Variants in SLAIN2 observed in about 807,000 individuals in gnomAD.
SLAIN2 encodes SLAIN family member 2, also known as SLAIN motif-containing protein 2.
A neutral mutation model predicts 56.6 loss-of-function variants in SLAIN2; 31 were observed. That is an observed-to-expected ratio of 0.55 (90% CI 0.41 to 0.74). The LOEUF (loss-of-function observed/expected upper bound fraction) is 0.74. Among genes scored for constraint, SLAIN2 ranks in the 30% least tolerant of loss-of-function variants. The probability of loss-of-function intolerance (pLI) is 0.00; values close to 1 mark genes in which losing one functional copy is unlikely to be tolerated. For synonymous variants in SLAIN2, 317 were observed against 284.9 expected (o/e 1.11, Z -1.13); for missense variants, 777 against 754.2 (o/e 1.03, Z -0.35).
chr4:48,370,986 C>T lies in SLAIN2; in HGVS notation c.538+989C>T, dbSNP rs144249728. On this transcript the variant is annotated intron_variant, in intron 2 of 7. Transcript: ENST00000264313. ...TGGTGATAAGGGGTAGTGGTTGTTA[C>T]ATGCAAATAACTTACGGGATGTTAT... Among the ~76,000 whole-genome samples the T allele has an allele frequency of 3.4e-4, 52 of 152,222 alleles. No homozygotes were observed. In the East Asian group the frequency reaches 6.6e-3, roughly 19 times the overall value.
Position 48,406,626 on chromosome 4 carries a change from C to T in SLAIN2, c.1361-13499C>T, listed in dbSNP as rs1365062319. Among the ~76,000 whole-genome samples the T allele has an allele frequency of 4.7e-5, 7 of 150,004 alleles. 1 individual carries two copies. Among genetic ancestry groups the T allele is most frequent in the Admixed American group, 3.3e-4 (5 of 14,986 alleles). ...CATACCTCATTTAGTTTAGGCTCTC[C>T]GTTTAAATACATGTTTGATGCCTAA... On this transcript the variant is annotated intron_variant, in intron 6 of 7. Transcript: ENST00000264313.
intron 6 of SLAIN2, among the ~76,000 whole-genome samples, chr4:48,396,076 G>C (rs1376933597): frequency 1.3e-5 from 2 of 152,026 alleles, no homozygotes; most frequent in Non-Finnish European, 2.9e-5. Context: ...TTGCTGTGTT[G>C]ATCAGGTTAA....
Position 48,379,742 on chromosome 4 carries a change from A to G in SLAIN2, c.756A>G (p.Ile252Met), listed in dbSNP as rs201587872. 3.6e-4 allele frequency: 577 copies of G among 1,591,770 alleles called. No homozygotes were observed. Among genetic ancestry groups the G allele is most frequent in the Non-Finnish European group, 4.6e-4 (533 of 1,170,924 alleles). Residue 252 changes from isoleucine (I) to methionine (M), a missense_variant, in exon 4 of 8, where the codon ATA becomes ATG. Ile to Met is a conservative substitution (Grantham distance 10, BLOSUM62 1). Coordinates refer to ENST00000264313, the MANE Select transcript of SLAIN2 (RefSeq NM_020846.2). ...RNPPLSPQSS[I>M]DSELSASELD... ...CTCCACTCAGTCCTCAGTCCTCTAT[A>G]GATAGTGAGTTAAGTGCTTCAGAAT...
In SLAIN2 at chr4:48,342,012, G is replaced by T; in HGVS notation, c.273G>T (p.Leu91=). Residue 91 remains leucine (L), a synonymous_variant, in exon 1 of 8, where the codon CTG becomes CTT. Transcript: ENST00000264313. ...SGPRRTSSEE[L]RDATSLLAAG... is the part of the protein sequence containing the mutation. ...CGAGGCGGACGAGTAGCGAAGAGCT[G>T]CGGGACGCCACCTCCTTGCTAGCGG... is the stretch of plus-strand genomic sequence containing the variant. 7.0e-7 allele frequency: 1 copy of T among 1,418,884 alleles called. No individual in the cohort carries two copies. The highest frequency in any genetic ancestry group is 9.2e-7 in the Non-Finnish European group (1 of 1,091,382). 87.9% of individuals were successfully genotyped at this position (1,418,884 alleles called of 1,614,324 possible).
At chr4:48,396,162 A>G (rs1470513176) in intron 6 of SLAIN2, among the ~76,000 whole-genome samples, 1 of 152,144 alleles carries the variant, frequency 6.6e-6, no homozygotes, top group African/African-American at 2.4e-5. Context: ...CCAAGCTACC[A>G]AACTACCTAT....
chr4:48,400,082 A>T (rs1419747884), intron 6 of SLAIN2, among the ~76,000 whole-genome samples: 1 of 152,188 alleles, frequency 6.6e-6, no homozygotes, highest in Non-Finnish European at 1.5e-5. Flanking sequence ...AAATTGTACC[A>T]GCCATTCTTT....
intron 1 of SLAIN2, among the ~76,000 whole-genome samples, chr4:48,367,564 A>C (rs1370356822): frequency 6.6e-6 from 1 of 152,142 alleles, no homozygotes; most frequent in Non-Finnish European, 1.5e-5. Context: ...CTAAATTACA[A>C]ATTTTTAGTC....
At chr4:48,343,711 A>T (rs1297082441) in intron 1 of SLAIN2, among the ~76,000 whole-genome samples, 3 of 152,226 alleles carry the variant, frequency 2.0e-5, no homozygotes, top group Non-Finnish European at 4.4e-5. Context: ...TGACAGCTAC[A>T]AGAGCAGAGT....
chr4:48,401,821 T>C (rs1716564029), intron 6 of SLAIN2, among the ~76,000 whole-genome samples: 1 of 152,192 alleles, frequency 6.6e-6, no homozygotes, highest in Non-Finnish European at 1.5e-5. Context: ...TGATGTTAGC[T>C]CGTTATTTTG....
At chr4:48,369,289 C>T (rs1327091140) in intron 1 of SLAIN2, among the ~76,000 whole-genome samples, 1 of 152,168 alleles carries the variant, frequency 6.6e-6, no homozygotes, top group African/African-American at 2.4e-5. Flanking sequence ...AAAATACTGT[C>T]TCTTGGTCCT....
At chr4:48,346,006 C>G (rs968178843) in intron 1 of SLAIN2, among the ~76,000 whole-genome samples, 1 of 151,948 alleles carries the variant, frequency 6.6e-6, no homozygotes, top group African/African-American at 2.4e-5. Context: ...TGTAAAGTGC[C>G]TTGCTATAAT....
At chr4:48,386,936 T>C (rs533646564) in intron 6 of SLAIN2, among the ~76,000 whole-genome samples, 56 of 152,348 alleles carry the variant, frequency 3.7e-4, no homozygotes, top group Non-Finnish European at 4.4e-5. Context: ...ATGTATATTA[T>C]AAGCCATGCT....
At chr4:48,389,099 T>G (rs528995922) in intron 6 of SLAIN2, among the ~76,000 whole-genome samples, 2 of 152,134 alleles carry the variant, frequency 1.3e-5, no homozygotes, top group Non-Finnish European at 2.9e-5. Flanking sequence ...GAAACACAAA[T>G]TGAAATAAAT....
At chr4:48,371,816 C>T (rs1345900240) in intron 2 of SLAIN2, among the ~76,000 whole-genome samples, 5 of 151,820 alleles carry the variant, frequency 3.3e-5, no homozygotes, top group African/African-American at 1.2e-4. Context: ...GCATGGTGTG[C>T]GCCTGTGGTC....
intron 6 of SLAIN2, chr4:48,394,709 T>C (rs1716333521): frequency 6.9e-7 from 1 of 1,450,346 alleles, no homozygotes; most frequent in Non-Finnish European, 9.3e-7. Flanking sequence ...AGTTAAATCT[T>C]AAGCCATTTG....
At chr4:48,361,715 G>T (rs1405522062) in intron 1 of SLAIN2, among the ~76,000 whole-genome samples, 1 of 152,076 alleles carries the variant, frequency 6.6e-6, no homozygotes, top group Non-Finnish European at 1.5e-5. Context: ...TGCTAAAAAT[G>T]CCTGCTGAGG....
At chr4:48,421,581 A>T (rs1266534406) in intron 7 of SLAIN2, among the ~76,000 whole-genome samples, 1 of 152,154 alleles carries the variant, frequency 6.6e-6, no homozygotes, top group African/African-American at 2.4e-5. Flanking sequence ...CCACATAGCT[A>T]ATAAAACTAT....
intron 2 of SLAIN2, among the ~76,000 whole-genome samples, chr4:48,372,284 C>A (rs1273921136): frequency 6.6e-6 from 1 of 152,048 alleles, no homozygotes; most frequent in Non-Finnish European, 1.5e-5. Flanking sequence ...AGGAGTCAGA[C>A]AGTAAACAAA....
At chr4:48,411,104 GTGTGTA>G (rs1314863137) in intron 6 of SLAIN2, among the ~76,000 whole-genome samples, 1 of 152,148 alleles carries the variant, frequency 6.6e-6, no homozygotes, top group Non-Finnish European at 1.5e-5. Context: ...TAGTGAGTGT[GTGTGTA>G]TGTGTGTGTG....
Sources: gnomAD v4.1 joint callset for allele counts (sites outside exome capture counted in the v4.1 genomes callset) on GRCh38, gnomAD v4.1.1 for gene constraint, MANE v1.5 for transcripts, NCBI Gene and HGNC (gene_info 2026-07-23, HGNC 2026-07-21) for gene names.